Variants in GKAP1 observed in about 807,000 individuals in gnomAD.
GKAP1 encodes the protein G kinase-anchoring protein 1.
Under a neutral mutation model 56.7 loss-of-function variants are expected in GKAP1, and 31 were observed. The ratio of observed to expected loss-of-function variants is 0.55; its 90% CI spans 0.41 to 0.74. The LOEUF is 0.74. Among genes scored for constraint, GKAP1 ranks in the 30% least tolerant of loss-of-function variants. GKAP1 has a pLI of 0.00. For synonymous variants in GKAP1, 151 were observed against 138.6 expected (o/e 1.09, Z -0.63); for missense variants, 364 against 402.3 (o/e 0.90, Z 0.82).
intron 10 of GKAP1, among the ~76,000 whole-genome samples, chr9:83,747,299 T>C (rs1307296899): frequency 6.6e-6 from 1 of 152,224 alleles, no homozygotes; most frequent in African/African-American, 2.4e-5. Context: ...TCTTATCATC[T>C]GCAATCATTT....
rs992072002 is a variant in GKAP1, at chr9:83,739,706, C to G, written c.1092G>C (p.Gln364His). The change falls in exon 13 of 13, where the codon CAG becomes CAC. Residue 364 changes from glutamine (Q) to histidine (H), a missense_variant. Transcript: ENST00000376371. ...RKGKRNSESD[Q>H]CR is the part of the protein sequence containing the mutation. ...TCAAAGGCTAATGTAATCACCTACACTGGTCGGATTCAGAGTTTCTTTTCC... is the reference window on the plus strand; with the variant it reads ...TCAAAGGCTAATGTAATCACCTACAGTGGTCGGATTCAGAGTTTCTTTTCC... 5.0e-6 allele frequency: 8 copies of G among 1,608,980 alleles called. No homozygotes were observed. Among genetic ancestry groups the G allele is most frequent in the Non-Finnish European group, 5.9e-6 (7 of 1,178,242 alleles).
chr9:83,784,379 T>TA (rs1205928861), intron 6 of GKAP1, among the ~76,000 whole-genome samples: 1 of 152,178 alleles, frequency 6.6e-6, no homozygotes, highest in Non-Finnish European at 1.5e-5. Context: ...TGGGATTGGT[T>TA]ATAAAAGGGC....
At position 83,784,843 on chromosome 9, in the gene GKAP1, A is replaced by G. The variant is rs183833528; in HGVS notation, c.439-5T>C. 62 of 1,547,954 alleles carry G rather than the reference A, an allele frequency of 4.0e-5. No homozygotes were observed. In the Admixed American group the frequency reaches 8.5e-4, roughly 21 times the overall value. ...ATTTTCAGCATCTTCATACTCCTAA[A>G]AAGAATTACCAACAACAATTAAGTT... On this transcript the variant is annotated splice_polypyrimidine_tract_variant and splice_region_variant and intron_variant, in intron 5 of 12. Coordinates refer to ENST00000376371, the MANE Select transcript of GKAP1 (RefSeq NM_025211.4).
chr9:83,774,786 T>C (rs931697626), intron 7 of GKAP1, among the ~76,000 whole-genome samples: 1 of 131,816 alleles, frequency 7.6e-6, no homozygotes, highest in Non-Finnish European at 1.6e-5. Flanking sequence ...CTCGACTCAC[T>C]GCAACCTCCA....
At chr9:83,787,730 G>T (rs1310561498) in intron 5 of GKAP1, among the ~76,000 whole-genome samples, 1 of 152,042 alleles carries the variant, frequency 6.6e-6, no homozygotes, top group East Asian at 1.9e-4. Flanking sequence ...TTTAAATACG[G>T]AAACTGGAAA....
intron 6 of GKAP1, among the ~76,000 whole-genome samples, chr9:83,783,152 T>G (rs1265088245): frequency 6.6e-6 from 1 of 152,220 alleles, no homozygotes; most frequent in Admixed American, 6.5e-5. Flanking sequence ...GTTTTTTTCT[T>G]TTTGAAATTA....
intron 8 of GKAP1, among the ~76,000 whole-genome samples, chr9:83,763,240 T>G (rs1943604304): frequency 6.6e-6 from 1 of 152,094 alleles, no homozygotes; most frequent in South Asian, 2.1e-4. Flanking sequence ...TCAAAACAAC[T>G]GAACTAATGG....
chr9:83,784,658 A>G (rs548740738), intron 6 of GKAP1, 57 bp downstream of exon 6: 2 of 1,170,434 alleles, frequency 1.7e-6, no homozygotes. Flanking sequence ...TTACAACTGA[A>G]GTATAAAACA....
rs1491227090 is a variant in GKAP1, at chr9:83,817,572, C to CT, written c.-232dup. The CT allele has an allele frequency of 6.6e-6, 1 of 151,928 alleles. No homozygotes were observed. The highest frequency in any genetic ancestry group is 2.4e-5 in the African/African-American group (1 of 41,378). 9.4% of individuals were successfully genotyped at this position (151,928 alleles called of 1,614,324 possible). A position where few individuals can be genotyped will look rare whatever the true frequency, so the allele number is the denominator to read the frequency against. On this transcript the variant is annotated 5_prime_UTR_variant, in exon 1 of 13. Coordinates refer to ENST00000376371, the MANE Select transcript of GKAP1 (RefSeq NM_025211.4). Reference sequence around the variant, plus strand: ...CTCTCCCTCCTCCCCCCGCCGCCGCCTCTCCCGCGGCTCCCCGGGCGGCCG... The same window carrying CT: ...CTCTCCCTCCTCCCCCCGCCGCCGCCTTCTCCCGCGGCTCCCCGGGCGGCCG...
intron 2 of GKAP1, among the ~76,000 whole-genome samples, chr9:83,815,013 A>C (rs1302220705): frequency 6.6e-6 from 1 of 151,802 alleles, no homozygotes; most frequent in African/African-American, 2.4e-5. Flanking sequence ...CTCTACTAAA[A>C]ATACAAAAAC....
chr9:83,756,008 T>C (rs983578497), intron 8 of GKAP1, among the ~76,000 whole-genome samples: 6 of 151,992 alleles, frequency 3.9e-5, no homozygotes, highest in Non-Finnish European at 8.8e-5. Context: ...TTTCACCATG[T>C]TGGCCAGGCT....
In GKAP1 at chr9:83,742,572, T is replaced by G; in HGVS notation, c.933A>C (p.Gln311His). The change falls in exon 11 of 13, where the codon CAA becomes CAC. Residue 311 changes from glutamine to histidine, a missense_variant. By Grantham distance (24) the Gln-to-His change is conservative (BLOSUM62 0). Transcript: ENST00000376371. ...EMKDKAEILL[Q>H]VDESQSIKNE... The stretch of plus-strand genomic sequence containing the variant: ...TCTTGATACTTTGTGATTCATCAAC[T>G]TGCAGAAGTATTTCTGCCTTATCTT... 1 of 1,612,632 alleles carries G rather than the reference T, an allele frequency of 6.2e-7. No homozygotes were observed. Among genetic ancestry groups the G allele is most frequent in the Non-Finnish European group, 8.5e-7 (1 of 1,179,472 alleles).
chr9:83,782,174 T>G (rs1209948580), intron 6 of GKAP1, among the ~76,000 whole-genome samples: 1 of 151,568 alleles, frequency 6.6e-6, no homozygotes. Flanking sequence ...AGACAAGATC[T>G]CACTCTGTTG....
At chr9:83,814,901 T>C (rs1283502498) in intron 2 of GKAP1, among the ~76,000 whole-genome samples, 1 of 152,224 alleles carries the variant, frequency 6.6e-6, no homozygotes, top group Non-Finnish European at 1.5e-5. Context: ...CAGCCGGGCA[T>C]GGTGGCTCAC....
Position 83,778,974 on chromosome 9 carries a change from A to T in GKAP1, c.585+1408T>A, listed in dbSNP as rs563190796. On this transcript the variant is annotated intron_variant, in intron 7 of 12. Transcript: ENST00000376371. ...TATATTAAATAGGTAGGATCTTGTC[A>T]GTTTGCATTTTTTGTCTTCTTTCAA... 5.3e-5 allele frequency among the ~76,000 whole-genome samples: 8 copies of T among 152,216 alleles called. No homozygotes were observed. The South Asian group carries it at 1.7e-3, about 32-fold the overall frequency.
chr9:83,763,555 AC>A (rs1352695000), intron 8 of GKAP1, among the ~76,000 whole-genome samples: 2 of 152,192 alleles, frequency 1.3e-5, no homozygotes, highest in Admixed American at 1.3e-4. Context: ...CTATGTAGCC[AC>A]AAAAATTAAA....
At chr9:83,752,065 T>C (rs891175321) in intron 9 of GKAP1, among the ~76,000 whole-genome samples, 4 of 152,182 alleles carry the variant, frequency 2.6e-5, no homozygotes, top group African/African-American at 9.7e-5. Context: ...AGCTACAATA[T>C]GTGATGAAAT....
At chr9:83,801,107 A>C (rs1347855388) in intron 3 of GKAP1, among the ~76,000 whole-genome samples, 1 of 152,226 alleles carries the variant, frequency 6.6e-6, no homozygotes, top group East Asian at 1.9e-4. Context: ...ATGCTGAATT[A>C]GGTTGGGCCC....
Position 83,806,445 on chromosome 9 carries a change from T to G in GKAP1, c.73A>C (p.Ser25Arg), listed in dbSNP as rs970228592. ...TTTCCAGGTTCAGAATCAGAGCCAC[T>G]GCCACTATCCACTTGTAACAGGGCA... ...RFALLQVDSG[S>R]GSDSEPGKGK... The change falls in exon 3 of 13, where the codon AGT (serine) becomes CGT (arginine). Residue 25 changes from serine (S) to arginine (R), a missense_variant. By Grantham distance (110) the Ser-to-Arg change is moderately radical (BLOSUM62 -1). Coordinates refer to ENST00000376371, the MANE Select transcript of GKAP1 (RefSeq NM_025211.4). The G allele has an allele frequency of 8.7e-6, 14 of 1,613,896 alleles. No homozygotes were observed. Among genetic ancestry groups the G allele is most frequent in the Non-Finnish European group, 1.2e-5 (14 of 1,179,922 alleles).
Sources: gnomAD v4.1 joint callset for allele counts (sites outside exome capture counted in the v4.1 genomes callset) on GRCh38, gnomAD v4.1.1 for gene constraint, MANE v1.5 for transcripts, NCBI Gene and HGNC (gene_info 2026-07-23, HGNC 2026-07-21) for gene names.